Variants in HDAC9 observed in about 807,000 individuals in gnomAD.
HDAC9 encodes the protein MEF-2 interacting transcription repressor (MITR) protein.
Under a neutral mutation model 139.4 loss-of-function variants are expected in HDAC9, and 41 were observed. That is an observed-to-expected ratio of 0.29 (90% confidence interval 0.23 to 0.38). The LOEUF (loss-of-function observed/expected upper bound fraction) is 0.38, where lower values mean the gene tolerates loss of function less well. Among genes scored for constraint, HDAC9 ranks in the 10% least tolerant of loss-of-function variants. The pLI, the probability that HDAC9 is intolerant of heterozygous loss-of-function variation, is 1.00. For missense variants in HDAC9, 1,147 were observed against 1,297.0 expected (o/e 0.88, Z 1.78); for synonymous variants, 517 against 476.2 (o/e 1.09, Z -1.12).
At chr7:18,452,734 G>C (rs972143994) in intron 1 of HDAC9, among the ~76,000 whole-genome samples, 3 of 152,034 alleles carry the variant, frequency 2.0e-5, no homozygotes, top group Non-Finnish European at 4.4e-5. Flanking sequence ...TTTTATACAG[G>C]GCAGTTCCCC....
chr7:18,940,400 A>C (rs1781945451), intron 23 of HDAC9, among the ~76,000 whole-genome samples: 1 of 152,206 alleles, frequency 6.6e-6, no homozygotes, highest in African/African-American at 2.4e-5. Context: ...TCCTGGAGGC[A>C]ACTGATATTG....
intron 22 of HDAC9, among the ~76,000 whole-genome samples, chr7:18,887,917 G>A (rs188094699): frequency 6.6e-6 from 1 of 152,138 alleles, no homozygotes; most frequent in Non-Finnish European, 1.5e-5. Context: ...AGGAGTTGCA[G>A]TGGTTCTCAT....
chr7:18,349,718 T>C (rs1214521496), intron 1 of HDAC9, among the ~76,000 whole-genome samples: 4 of 151,520 alleles, frequency 2.6e-5, no homozygotes, highest in Non-Finnish European at 4.4e-5. Context: ...AAAAAAAAAA[T>C]GTGGTGTTGT....
intron 21 of HDAC9, among the ~76,000 whole-genome samples, chr7:18,851,181 A>G (rs955613950): frequency 6.6e-6 from 1 of 152,086 alleles, no homozygotes; most frequent in South Asian, 2.1e-4. Context: ...TGCAGTATCT[A>G]TTCGCTCTAC....
chr7:18,899,396 A>T (rs1160038067), intron 22 of HDAC9: 1 of 151,586 alleles, frequency 6.6e-6, no homozygotes, highest in Non-Finnish European at 1.5e-5. Context: ...CTTTTTTATT[A>T]TCTTTTCTGA....
chr7:18,865,797 T>G (rs1214305688), intron 21 of HDAC9, among the ~76,000 whole-genome samples: 1 of 152,166 alleles, frequency 6.6e-6, no homozygotes. Context: ...TTTTTGTTTT[T>G]GCCAGAAAAA....
At chr7:18,620,553 T>C (rs963287403) in intron 6 of HDAC9, among the ~76,000 whole-genome samples, 12 of 146,204 alleles carry the variant, frequency 8.2e-5, no homozygotes, top group African/African-American at 2.8e-4. Flanking sequence ...CAGGAAAAAA[T>C]AGCAAATTTG....
Position 18,668,912 on chromosome 7 carries a change from A to T in HDAC9, c.1731+2436A>T, listed in dbSNP as rs1002137332. 1.7e-5 allele frequency: 17 copies of T among 980,484 alleles called. No homozygotes were observed. In the African/African-American group the frequency reaches 2.5e-4, roughly 14 times the overall value. The allele number at this position is 980,484 out of a possible 1,614,324, so 60.7% of individuals were successfully genotyped here. A position where few individuals can be genotyped will look rare whatever the true frequency, so the allele number is the denominator to read the frequency against. On this transcript the variant is annotated intron_variant, in intron 12 of 25. Transcript: ENST00000686413. ...ATCGAAGTTGAAGCTTGCACACTAGATCTCATATATCAAAATACATTGCCA... is the reference window on the plus strand; with the variant it reads ...ATCGAAGTTGAAGCTTGCACACTAGTTCTCATATATCAAAATACATTGCCA...
At chr7:18,712,359 T>C (rs1481941743) in intron 12 of HDAC9, among the ~76,000 whole-genome samples, 3 of 152,200 alleles carry the variant, frequency 2.0e-5, no homozygotes, top group Non-Finnish European at 4.4e-5. Context: ...CTCTAGCATG[T>C]GGGACTATTG....
intron 2 of HDAC9, among the ~76,000 whole-genome samples, chr7:18,244,803 C>G (rs1014573772): frequency 3.4e-5 from 4 of 116,992 alleles, no homozygotes; most frequent in African/African-American, 9.6e-5. Flanking sequence ...GAGTGAGCCT[C>G]TGTCTCAAAA....
chr7:18,552,472 G>C lies in HDAC9; in HGVS notation c.23-32809G>C, dbSNP rs551864057. ...AAAGCACTAGAAGCCTAATGAAATG[G>C]ACTGCTGAGAACAGAGCTGAATAAA... On this transcript the variant is annotated intron_variant, in intron 2 of 25. Coordinates refer to ENST00000686413, the MANE Select transcript of HDAC9 (RefSeq NM_178425.4). Among the ~76,000 whole-genome samples, 3 of 152,164 alleles carry C rather than the reference G, an allele frequency of 2.0e-5. No homozygotes were observed. The South Asian group carries it at 6.2e-4, about 32-fold the overall frequency.
intron 1 of HDAC9, among the ~76,000 whole-genome samples, chr7:18,331,648 T>G (rs1455267927): frequency 6.6e-6 from 1 of 151,552 alleles, no homozygotes; most frequent in East Asian, 1.9e-4. Flanking sequence ...AAAAAAGAAG[T>G]ACAAAATGTC....
chr7:18,824,066 G>GAAA (rs1795211639), intron 17 of HDAC9, among the ~76,000 whole-genome samples: 1 of 149,890 alleles, frequency 6.7e-6, no homozygotes, highest in Non-Finnish European at 1.5e-5. Flanking sequence ...AGAAGAAGAA[G>GAAA]AAGAAGAAGA....
intron 15 of HDAC9, among the ~76,000 whole-genome samples, chr7:18,763,337 C>T (rs1387908234): frequency 6.6e-6 from 1 of 152,110 alleles, no homozygotes; most frequent in African/African-American, 2.4e-5. Flanking sequence ...GAAGTGCAGG[C>T]ATATGAGTGA....
chr7:18,666,301 A>C lies in HDAC9; in HGVS notation c.1556A>C (p.Gln519Pro), dbSNP rs1794851882. ...GAGCTTCAGGGGGACCAGGCGATGC[A>C]GGAAGACAGAGCGCCCTCTAGTGGC... ...EEELQGDQAMQEDRAPSSGNS... is the reference protein window; with the variant it reads ...EEELQGDQAMPEDRAPSSGNS... The change falls in exon 12 of 26, where the codon CAG (glutamine) becomes CCG (proline). Residue 519 changes from glutamine to proline, a missense_variant. Physicochemically the swap from Gln to Pro is moderately conservative, Grantham distance 76 (BLOSUM62 -1). Around this residue, in one of 7 missense-constraint regions of HDAC9, gnomAD observed 256 missense variants for 219.2 expected, o/e 1.17. Transcript: ENST00000686413. The C allele has an allele frequency of 6.2e-7, 1 of 1,613,532 alleles. No individual in the cohort carries two copies. Among genetic ancestry groups the C allele is most frequent in the Middle Eastern group, 1.7e-4 (1 of 6,056 alleles).
chr7:18,347,509 A>G (rs533654005), intron 1 of HDAC9, among the ~76,000 whole-genome samples: 38 of 152,326 alleles, frequency 2.5e-4, no homozygotes, highest in African/African-American at 7.9e-4. Context: ...AACAACTCCC[A>G]TGTAAATTGT....
chr7:18,092,108 G>C (rs1437147536), intron 1 of HDAC9, among the ~76,000 whole-genome samples: 1 of 152,166 alleles, frequency 6.6e-6, no homozygotes, highest in Non-Finnish European at 1.5e-5. Flanking sequence ...GGTGTAGGGT[G>C]GGCACAGTGG....
At chr7:18,543,886 GA>G (rs111903866) in intron 2 of HDAC9, among the ~76,000 whole-genome samples, 1,299 of 118,800 alleles carry the variant, frequency 0.011, 7 homozygotes, top group Non-Finnish European at 0.013. Context: ...TGTATTTTAG[GA>G]AAAAAAAAAA....
intron 21 of HDAC9, among the ~76,000 whole-genome samples, chr7:18,853,783 A>G (rs1797474751): frequency 6.6e-6 from 1 of 152,208 alleles, no homozygotes; most frequent in Non-Finnish European, 1.5e-5. Context: ...CAACATGATT[A>G]TATAATTAAA....
Sources: allele counts gnomAD v4.1 joint callset (sites outside exome capture counted in the v4.1 genomes callset), GRCh38; gene constraint gnomAD v4.1.1; regional missense constraint gnomAD v4.1.1; transcripts MANE v1.5; gene names NCBI Gene and HGNC (gene_info 2026-07-23, HGNC 2026-07-21).